The following GCA variants were observed in gnomAD, a reference collection of about 807,000 sequenced individuals.
GCA encodes the protein grancalcin.
A neutral mutation model predicts 32.6 loss-of-function variants in GCA; 30 were observed. That is an observed-to-expected ratio of 0.92 (90% confidence interval 0.69 to 1.25). The LOEUF is 1.25. Ranked by LOEUF, GCA falls within the 50% of genes most tolerant of loss-of-function variation. GCA has a pLI of 0.00. For synonymous variants in GCA, 102 were observed against 84.6 expected, an observed-to-expected ratio of 1.21 and a Z score of -1.13; for missense variants, 291 against 266.8, an observed-to-expected ratio of 1.09 and a Z score of -0.63.
intron 1 of GCA, among the ~76,000 whole-genome samples, chr2:162,334,625 C>T (rs1054926442): frequency 1.3e-5 from 2 of 152,184 alleles, no homozygotes; most frequent in Non-Finnish European, 2.9e-5. Flanking sequence ...CTGAGCTAAC[C>T]TCTAGCCACA....
In GCA at chr2:162,352,772, CCT is replaced by C. The variant is rs560613825; in HGVS notation, c.262+366_262+367del. The stretch of plus-strand genomic sequence containing the variant: ...ACTTTATTTTAACCTTAAACTCTCC[CCT>C]GTCTCTGCACTCCACAGAGGAACAT... On this transcript the variant is annotated intron_variant, in intron 3 of 7. Transcript: ENST00000437150. Among the ~76,000 whole-genome samples the C allele has an allele frequency of 1.6e-3, 249 of 152,204 alleles. 1 individual carries two copies. Among genetic ancestry groups the C allele is most frequent in the Admixed American group, 3.3e-3 (50 of 15,288 alleles).
chr2:162,373,436 G>A (rs1232990500), downstream of GCA: 10 of 1,417,614 alleles, frequency 7.1e-6, no homozygotes, highest in African/African-American at 1.5e-5. Flanking sequence ...CACACTGTGA[G>A]AGACACTCTT....
intron 1 of GCA, among the ~76,000 whole-genome samples, chr2:162,329,871 T>TC (rs1313554375): frequency 1.3e-5 from 2 of 152,042 alleles, no homozygotes; most frequent in African/African-American, 2.4e-5. Context: ...CGTGTGTCGT[T>TC]CCCCCATGTG....
intron 1 of GCA, among the ~76,000 whole-genome samples, chr2:162,321,679 T>C (rs1032575788): frequency 1.3e-5 from 2 of 151,844 alleles, no homozygotes; most frequent in African/African-American, 4.8e-5. Context: ...TCACCTCAAA[T>C]ACATCAGTTG....
intron 1 of GCA, among the ~76,000 whole-genome samples, chr2:162,327,144 A>T (rs1187610176): frequency 2.0e-5 from 3 of 152,000 alleles, no homozygotes; most frequent in Admixed American, 2.0e-4. Flanking sequence ...GCCCATTTAC[A>T]CTGTGCCTGT....
chr2:162,373,508 A>G (rs539804616), downstream of GCA: 51 of 1,572,188 alleles, frequency 3.2e-5, no homozygotes, highest in Admixed American at 3.5e-4. Flanking sequence ...GTTTTGATGG[A>G]TGCTTCCGGT....
exon 1 of GCA, chr2:162,319,047 G>C (rs1025842193): frequency 1.7e-5 from 7 of 424,128 alleles, no homozygotes; most frequent in Non-Finnish European, 2.9e-5. Flanking sequence ...AGTTACCCTC[G>C]GCTGGTGAAT....
At position 162,361,070 on chromosome 2, in the gene GCA, G is replaced by A. The variant is rs2105356358; in HGVS notation, c.*827G>A. On this transcript the variant is annotated 3_prime_UTR_variant, in exon 8 of 8. Coordinates refer to ENST00000437150, the MANE Select transcript of GCA (RefSeq NM_012198.5). ...GTCCTAATTAAATTGTTGTTTAAAT[G>A]TAATGTCAACTCTTTATAAACTTAA... is the stretch of plus-strand genomic sequence containing the variant. 1 of 945,058 alleles carries A rather than the reference G, an allele frequency of 1.1e-6. No individual in the cohort carries two copies. The highest frequency in any genetic ancestry group is 1.3e-6 in the Non-Finnish European group (1 of 784,840). The allele number at this position is 945,058 out of a possible 1,614,324, so 58.5% of individuals were successfully genotyped here.
intron 1 of GCA, among the ~76,000 whole-genome samples, chr2:162,320,727 A>G (rs1395356983): frequency 6.6e-6 from 1 of 152,208 alleles, no homozygotes; most frequent in African/African-American, 2.4e-5. Flanking sequence ...CTATTACATG[A>G]CCAGCACTGA....
At chr2:162,363,939 A>C (rs537399407), downstream of GCA, among the ~76,000 whole-genome samples, 231 of 151,572 alleles carry the variant, frequency 1.5e-3, 1 homozygote, top group Non-Finnish European at 2.0e-3. Flanking sequence ...GCCATACAGT[A>C]AGAAAATGAG....
chr2:162,321,934 A>AC (rs1683689211), intron 1 of GCA, among the ~76,000 whole-genome samples: 1 of 104,168 alleles, frequency 9.6e-6, no homozygotes, highest in African/African-American at 5.9e-5. Context: ...ATATATATAT[A>AC]CACACATACA....
chr2:162,320,348 A>T (rs1367716909), intron 1 of GCA, among the ~76,000 whole-genome samples: 2 of 152,226 alleles, frequency 1.3e-5, no homozygotes, highest in Admixed American at 1.3e-4. Flanking sequence ...TATTGGGTCT[A>T]TGAAAATATC....
At chr2:162,366,733 A>C (rs1685762942), downstream of GCA, among the ~76,000 whole-genome samples, 1 of 151,958 alleles carries the variant, frequency 6.6e-6, no homozygotes, top group East Asian at 1.9e-4. Context: ...AGCTATTGCA[A>C]AGCTAGAAAA....
intron 1 of GCA, among the ~76,000 whole-genome samples, chr2:162,322,384 AC>A (rs1683702926): frequency 1.4e-5 from 2 of 142,242 alleles, no homozygotes; most frequent in African/African-American, 2.7e-5. Flanking sequence ...GTTTTATTTT[AC>A]TTTATTTATT....
upstream of GCA, among the ~76,000 whole-genome samples, chr2:162,343,613 G>T (rs140532832): frequency 6.6e-5 from 10 of 152,290 alleles, no homozygotes; most frequent in Admixed American, 1.3e-4. Flanking sequence ...GCCTCAAGTG[G>T]GTTTTGGCGC....
intron 1 of GCA, among the ~76,000 whole-genome samples, chr2:162,336,636 G>A (rs1684277595): frequency 6.6e-6 from 1 of 150,914 alleles, no homozygotes; most frequent in African/African-American, 2.4e-5. Flanking sequence ...AAAAACCTAA[G>A]TATATCTCTC....
chr2:162,363,011 C>CA lies in GCA; in HGVS notation c.*2774dup, dbSNP rs1184602016. On this transcript the variant is annotated 3_prime_UTR_variant, in exon 8 of 8. Transcript: ENST00000437150. ...AAGTCTGTGGAGTTAAAAAAAATAA[C>CA]AAAAAATCAATTTGTGATTATTTCT... Among the ~76,000 whole-genome samples, 1 of 151,184 alleles carries CA rather than the reference C, an allele frequency of 6.6e-6. No individual in the cohort carries two copies. The highest frequency in any genetic ancestry group is 2.1e-4 in the South Asian group (1 of 4,834).
chr2:162,324,632 T>C (rs2105257545), intron 1 of GCA, among the ~76,000 whole-genome samples: 1 of 152,114 alleles, frequency 6.6e-6, no homozygotes, highest in East Asian at 1.9e-4. Context: ...TCTTGGGAAA[T>C]GCAACATTTG....
chr2:162,331,893 C>A (rs1317014092), intron 1 of GCA, among the ~76,000 whole-genome samples: 1 of 152,104 alleles, frequency 6.6e-6, no homozygotes, highest in Non-Finnish European at 1.5e-5. Flanking sequence ...TATAAGTGGA[C>A]ACATATTTTC....
Sources: gnomAD v4.1 joint callset for allele counts (sites outside exome capture counted in the v4.1 genomes callset) on GRCh38, gnomAD v4.1.1 for gene constraint, MANE v1.5 for transcripts, NCBI Gene and HGNC (gene_info 2026-07-23, HGNC 2026-07-21) for gene names.